PARD3: variants seen among roughly 807,000 people sequenced by gnomAD.
PARD3 encodes the protein partitioning defective 3 homolog.
A neutral mutation model predicts 155.4 loss-of-function variants in PARD3; 75 were observed. The observed-to-expected ratio is 0.48, with a 90% CI of 0.40 to 0.58. PARD3 has a LOEUF of 0.58. PARD3 is among the 20% of genes least tolerant of loss of function. The pLI, the probability that PARD3 is intolerant of heterozygous loss-of-function variation, is 0.00. For synonymous variants in PARD3, 576 were observed against 610.5 expected (o/e 0.94, Z 0.83); for missense variants, 1,642 against 1,721.7 (o/e 0.95, Z 0.82).
At chr10:34,654,355 T>C (rs1590428668) in intron 2 of PARD3, among the ~76,000 whole-genome samples, 1 of 152,216 alleles carries the variant, frequency 6.6e-6, no homozygotes, top group Admixed American at 6.5e-5. Context: ...ATCATGATTT[T>C]ACAGACGTGC....
At chr10:34,512,072 G>A (rs1361994085) in intron 3 of PARD3, among the ~76,000 whole-genome samples, 2 of 152,108 alleles carry the variant, frequency 1.3e-5, no homozygotes, top group African/African-American at 4.8e-5. Context: ...GTAAATTTGG[G>A]GGGACACATT....
At chr10:34,556,494 C>T (rs2085001860) in intron 2 of PARD3, among the ~76,000 whole-genome samples, 2 of 151,722 alleles carry the variant, frequency 1.3e-5, no homozygotes, top group African/African-American at 4.8e-5. Flanking sequence ...GCCATTCTCT[C>T]GCCTCAGCCT....
chr10:34,587,325 C>A (rs995181803), intron 2 of PARD3, among the ~76,000 whole-genome samples: 5 of 152,054 alleles, frequency 3.3e-5, no homozygotes, highest in African/African-American at 1.2e-4. Context: ...GTTTCACCAT[C>A]TTGGCCAGTC....
chr10:34,427,468 G>A (rs1288973155), intron 5 of PARD3, among the ~76,000 whole-genome samples: 7 of 152,122 alleles, frequency 4.6e-5, no homozygotes, highest in Non-Finnish European at 8.8e-5. Flanking sequence ...TAGTCAGACC[G>A]GTTCTCTGCT....
At chr10:34,290,662 A>C (rs1956633917) in intron 20 of PARD3, among the ~76,000 whole-genome samples, 1 of 152,132 alleles carries the variant, frequency 6.6e-6, no homozygotes, top group African/African-American at 2.4e-5. Flanking sequence ...TTGCACTATC[A>C]CATGATCCAT....
intron 7 of PARD3, among the ~76,000 whole-genome samples, chr10:34,397,523 T>C (rs1315110166): frequency 6.6e-6 from 1 of 152,246 alleles, no homozygotes; most frequent in Non-Finnish European, 1.5e-5. Flanking sequence ...AAAGACATAC[T>C]TGTTTTCTTG....
intron 22 of PARD3, among the ~76,000 whole-genome samples, chr10:34,268,713 G>A (rs572985694): frequency 5.7e-4 from 86 of 152,126 alleles, no homozygotes; most frequent in Admixed American, 3.6e-3. Flanking sequence ...TCACTCATAG[G>A]TGGGAATTGA....
At chr10:34,766,208 A>C (rs539765474) in intron 1 of PARD3, among the ~76,000 whole-genome samples, 2 of 152,322 alleles carry the variant, frequency 1.3e-5, no homozygotes, top group Non-Finnish European at 2.9e-5. Flanking sequence ...ATGTTTTATT[A>C]CTTGTATTTT....
intron 19 of PARD3, among the ~76,000 whole-genome samples, chr10:34,327,117 G>C (rs992816069): frequency 5.9e-5 from 9 of 152,192 alleles, no homozygotes; most frequent in African/African-American, 4.8e-5. Flanking sequence ...GGTAGCAATA[G>C]AAACTGATTT....
intron 22 of PARD3, among the ~76,000 whole-genome samples, chr10:34,132,402 C>T (rs1382117329): frequency 7.0e-6 from 1 of 142,792 alleles, no homozygotes; most frequent in African/African-American, 2.6e-5. Context: ...TGGGGATCTC[C>T]CAGCTGGCCA....
At chr10:34,496,490 C>A (rs552495849) in intron 3 of PARD3, among the ~76,000 whole-genome samples, 1 of 152,156 alleles carries the variant, frequency 6.6e-6, no homozygotes, top group South Asian at 2.1e-4. Flanking sequence ...TGGAACCATA[C>A]AACAATGCCT....
Position 34,451,821 on chromosome 10 carries a change from AAACT to A in PARD3, c.583-1377_583-1374del, listed in dbSNP as rs528829388. ...AATGGTAAGGAGAAGACATGGACAA[AAACT>A]AACTAAGGAAGCAAACTAGAAACTA... On this transcript the variant is annotated intron_variant, in intron 4 of 24. Coordinates refer to ENST00000374788, the MANE Select transcript of PARD3 (RefSeq NM_001184785.2). Among the ~76,000 whole-genome samples the A allele has an allele frequency of 3.2e-3, 490 of 151,892 alleles. 4 individuals carry two copies. Among genetic ancestry groups the A allele is most frequent in the Non-Finnish European group, 3.6e-3 (246 of 67,922 alleles).
chr10:34,644,384 C>A (rs565122038), intron 2 of PARD3, among the ~76,000 whole-genome samples: 3 of 152,230 alleles, frequency 2.0e-5, no homozygotes, highest in Non-Finnish European at 2.9e-5. Flanking sequence ...CAAGGGCCAG[C>A]CCCACGCTCC....
intron 22 of PARD3, among the ~76,000 whole-genome samples, chr10:34,189,167 AC>A (rs1430428090): frequency 1.3e-5 from 2 of 151,976 alleles, no homozygotes; most frequent in African/African-American, 4.8e-5. Flanking sequence ...CCCTGTCTCT[AC>A]AAAAATAAAA....
Position 34,657,971 on chromosome 10 carries a change from C to T in PARD3, c.222+38347G>A, listed in dbSNP as rs374702190. On this transcript the variant is annotated intron_variant, in intron 2 of 24. Coordinates refer to ENST00000374788, the MANE Select transcript of PARD3 (RefSeq NM_001184785.2). The stretch of plus-strand genomic sequence containing the variant: ...ACTGTCCTAGCTAACACAGTGAAAC[C>T]CTGTCTCTACTGAAAATACAAAAAA... 3.9e-5 allele frequency among the ~76,000 whole-genome samples: 6 copies of T among 152,044 alleles called. No individual in the cohort carries two copies. The South Asian group carries it at 1.2e-3, about 32-fold the overall frequency.
At chr10:34,789,623 G>A (rs1421039745) in intron 1 of PARD3, among the ~76,000 whole-genome samples, 3 of 152,024 alleles carry the variant, frequency 2.0e-5, no homozygotes, top group Non-Finnish European at 2.9e-5. Context: ...AGGATCACTG[G>A]AGCCCAGGAG....
chr10:34,213,448 T>C (rs1306523847), intron 22 of PARD3, among the ~76,000 whole-genome samples: 1 of 152,082 alleles, frequency 6.6e-6, no homozygotes, highest in African/African-American at 2.4e-5. Context: ...CAAACGTCAA[T>C]ATGAGTTTTG....
At chr10:34,592,255 G>C (rs2088772222) in intron 2 of PARD3, among the ~76,000 whole-genome samples, 1 of 152,148 alleles carries the variant, frequency 6.6e-6, no homozygotes, top group Admixed American at 6.6e-5. Context: ...AACACATACT[G>C]ATGTAATAAA....
chr10:34,149,682 C>G (rs1268141120), intron 22 of PARD3, among the ~76,000 whole-genome samples: 1 of 152,116 alleles, frequency 6.6e-6, no homozygotes, highest in Admixed American at 6.6e-5. Flanking sequence ...GAATCTCAAA[C>G]AAGTCTTTGT....
Sources: allele counts gnomAD v4.1 joint callset (sites outside exome capture counted in the v4.1 genomes callset), GRCh38; gene constraint gnomAD v4.1.1; transcripts MANE v1.5; gene names NCBI Gene and HGNC (gene_info 2026-07-23, HGNC 2026-07-21).